The following NOX3 variants were observed in gnomAD, a reference collection of about 807,000 sequenced individuals.
The protein encoded by NOX3 is NADPH oxidase 3.
NOX3 carries 74 observed loss-of-function variants against 76.7 expected under a neutral mutation model. That is an observed-to-expected ratio of 0.96 (90% CI 0.80 to 1.17). The LOEUF (loss-of-function observed/expected upper bound fraction) is 1.17, where lower values mean the gene tolerates loss of function less well. NOX3 is among the 50% of genes most tolerant of loss of function. NOX3 has a pLI of 0.00. For missense variants in NOX3, 695 were observed against 703.3 expected (o/e 0.99, Z 0.13); for synonymous variants, 263 against 261.1 (o/e 1.01, Z -0.07).
In NOX3 at chr6:155,436,482, C is replaced by T. The variant is rs527483156; in HGVS notation, c.734G>A (p.Arg245His). 2.9e-5 allele frequency: 47 copies of T among 1,613,864 alleles called. 1 individual carries two copies. The highest frequency in any genetic ancestry group is 2.2e-4 in the South Asian group (20 of 91,072). The change falls in exon 7 of 14, where the codon CGC (arginine) becomes CAC (histidine). Residue 245 changes from arginine (R) to histidine (H), a missense_variant. Arg to His is a conservative substitution (Grantham distance 29). Transcript: ENST00000159060. The stretch of plus-strand genomic sequence containing the variant: ...GGCCACTGTCTGCCATTCTGCATAG[C>T]GGTCTCTACAGAAGGTGATGTTGTG... ...SLHNITFCRD[R>H]YAEWQTVAQC...
At chr6:155,442,662 T>C (rs1041777356) in intron 5 of NOX3, among the ~76,000 whole-genome samples, 12 of 152,250 alleles carry the variant, frequency 7.9e-5, no homozygotes, top group African/African-American at 2.9e-4. Context: ...CATAGATTGC[T>C]GTGGCTACAT....
At chr6:155,443,501 CAA>C in intron 4 of NOX3, 83 bp from the exon 5 acceptor site, 1 of 1,477,464 alleles carries the variant, frequency 6.8e-7, no homozygotes, top group Non-Finnish European at 9.1e-7. Context: ...TCTCTGTGCT[CAA>C]GTTTCTCTGT....
intron 4 of NOX3, among the ~76,000 whole-genome samples, chr6:155,451,335 T>C (rs542218547): frequency 1.3e-5 from 2 of 152,256 alleles, no homozygotes; most frequent in East Asian, 3.9e-4. Context: ...TTCTCAGATA[T>C]CACACTACCA....
At chr6:155,407,303 A>G in intron 11 of NOX3, 49 bp from the exon 12 acceptor site, 4 of 1,502,160 alleles carry the variant, frequency 2.7e-6, no homozygotes, top group Non-Finnish European at 3.6e-6. Context: ...AAAAAATAAG[A>G]CTTCTATAAA....
intron 12 of NOX3, among the ~76,000 whole-genome samples, chr6:155,403,425 T>C (rs897422029): frequency 6.6e-6 from 1 of 152,170 alleles, no homozygotes; most frequent in Non-Finnish European, 1.5e-5. Context: ...CAAGTTACCA[T>C]GTTCTAGAGT....
At chr6:155,442,689 G>C (rs1439326852) in intron 5 of NOX3, among the ~76,000 whole-genome samples, 2 of 152,134 alleles carry the variant, frequency 1.3e-5, no homozygotes, top group African/African-American at 2.4e-5. Flanking sequence ...TTTTCTTTTT[G>C]TTCCCCATAG....
intron 12 of NOX3, among the ~76,000 whole-genome samples, chr6:155,402,956 A>G (rs1779253945): frequency 6.6e-6 from 1 of 152,214 alleles, no homozygotes; most frequent in Non-Finnish European, 1.5e-5. Context: ...ACCGTCTTGT[A>G]AGAGTAGCCA....
Position 155,407,266 on chromosome 6 carries a change from T to C in NOX3, c.1456-12A>G, listed in dbSNP as rs544256467. The stretch of plus-strand genomic sequence containing the variant: ...GCTATGTGAAGAGCCTAAAGTAAAT[T>C]TGTGGCATTAGATGACATTTAGAAA... On this transcript the variant is annotated splice_polypyrimidine_tract_variant and intron_variant, in intron 11 of 13. Transcript: ENST00000159060. The C allele has an allele frequency of 4.4e-5, 71 of 1,607,320 alleles. No individual in the cohort carries two copies. Among genetic ancestry groups the C allele is most frequent in the Non-Finnish European group, 5.7e-5 (67 of 1,176,702 alleles).
chr6:155,439,071 A>G (rs1776947599), intron 6 of NOX3, among the ~76,000 whole-genome samples: 1 of 152,188 alleles, frequency 6.6e-6, no homozygotes, highest in South Asian at 2.1e-4. Flanking sequence ...CCTTGAGGGC[A>G]TCACTTAACC....
At chr6:155,426,885 A>G (rs1005621483) in intron 9 of NOX3, among the ~76,000 whole-genome samples, 1 of 152,040 alleles carries the variant, frequency 6.6e-6, no homozygotes, top group Admixed American at 6.5e-5. Flanking sequence ...ATAAGTGTAT[A>G]CACACAGGGC....
chr6:155,407,080 A>G (rs756477963), intron 12 of NOX3, 50 bp downstream of exon 12: 4 of 1,610,576 alleles, frequency 2.5e-6, no homozygotes, highest in East Asian at 2.2e-5. Context: ...CAGCCCTTGC[A>G]TTTCTCCAGA....
chr6:155,418,751 T>C (rs930886449), intron 10 of NOX3, among the ~76,000 whole-genome samples: 2 of 152,262 alleles, frequency 1.3e-5, no homozygotes, highest in Admixed American at 1.3e-4. Flanking sequence ...TCTAGAATAA[T>C]GCAACAGAGG....
intron 9 of NOX3, among the ~76,000 whole-genome samples, chr6:155,428,593 T>TC (rs1424022876): frequency 6.6e-6 from 1 of 151,096 alleles, no homozygotes; most frequent in Non-Finnish European, 1.5e-5. Flanking sequence ...TTTCTTTTTT[T>TC]TTTTTTTTTT....
intron 4 of NOX3, among the ~76,000 whole-genome samples, chr6:155,449,384 T>C (rs1278842595): frequency 6.6e-6 from 1 of 151,988 alleles, no homozygotes; most frequent in Non-Finnish European, 1.5e-5. Flanking sequence ...ATTGGAAGGG[T>C]CTTCAAGGTC....
intron 11 of NOX3, among the ~76,000 whole-genome samples, chr6:155,407,707 G>C (rs953345170): frequency 5.9e-5 from 9 of 152,198 alleles, no homozygotes; most frequent in African/African-American, 1.9e-4. Context: ...AAATGTCTGG[G>C]AAGAAACTGC....
intron 13 of NOX3, among the ~76,000 whole-genome samples, chr6:155,396,115 G>C (rs1223945167): frequency 6.6e-6 from 1 of 152,096 alleles, no homozygotes; most frequent in Non-Finnish European, 1.5e-5. Context: ...GATGATGGAA[G>C]GGCTTGAATA....
chr6:155,447,296 C>T (rs1280333414), intron 4 of NOX3, among the ~76,000 whole-genome samples: 1 of 152,098 alleles, frequency 6.6e-6, no homozygotes, highest in Non-Finnish European at 1.5e-5. Flanking sequence ...CTTGGCCTCC[C>T]AAAGTGCTGG....
intron 10 of NOX3, among the ~76,000 whole-genome samples, chr6:155,415,401 C>G (rs1776611273): frequency 6.6e-6 from 1 of 152,192 alleles, no homozygotes; most frequent in Non-Finnish European, 1.5e-5. Context: ...TCCATGAACA[C>G]AGGCAGAGGG....
intron 10 of NOX3, among the ~76,000 whole-genome samples, chr6:155,413,024 C>A (rs1415979960): frequency 6.6e-6 from 1 of 152,184 alleles, no homozygotes; most frequent in Non-Finnish European, 1.5e-5. Flanking sequence ...TGAGCCCTCT[C>A]TTGTTTTTGG....
Sources: gnomAD v4.1 joint callset for allele counts (sites outside exome capture counted in the v4.1 genomes callset) on GRCh38, gnomAD v4.1.1 for gene constraint, MANE v1.5 for transcripts, NCBI Gene and HGNC (gene_info 2026-07-23, HGNC 2026-07-21) for gene names.